Variants in CIMAP1D observed in about 807,000 individuals in gnomAD.
The protein encoded by CIMAP1D is protein CIMAP1D.
the CIMAP1D span, among the ~76,000 whole-genome samples, chr19:486,085 G>A: frequency 6.6e-6 from 1 of 152,242 alleles, no homozygotes; most frequent in African/African-American, 2.4e-5. Flanking sequence ...GTCCCCGTGG[G>A]ACAGTGAGGA....
chr19:479,420 G>GC, the CIMAP1D span, among the ~76,000 whole-genome samples: 8 of 146,260 alleles, frequency 5.5e-5, no homozygotes, highest in Non-Finnish European at 9.1e-5. Context: ...TTGGGGGGGG[G>GC]GGGGATGGAG....
chr19:490,245 A>C, the CIMAP1D span: 1 of 298,818 alleles, frequency 3.3e-6, no homozygotes, highest in Non-Finnish European at 6.1e-6. Flanking sequence ...GGTCCCACCT[A>C]CTTGGAAGGC....
the CIMAP1D span, among the ~76,000 whole-genome samples, chr19:474,288 G>A: frequency 2.0e-5 from 3 of 152,152 alleles, no homozygotes; most frequent in South Asian, 2.1e-4. Context: ...TGTCTAGGGC[G>A]CCCGTCCCTG....
At chr19:475,074 G>C in the CIMAP1D span, 1 of 267,010 alleles carries the variant, frequency 3.7e-6, no homozygotes, top group Admixed American at 5.4e-5. Context: ...GCTGGGGCCA[G>C]GGCCGGCCCC....
At chr19:464,140 CGGGGGGGG>C in the CIMAP1D span, 2 of 796,570 alleles carry the variant, frequency 2.5e-6, no homozygotes, top group Non-Finnish European at 1.5e-6. Flanking sequence ...GGGGGGCGGG[CGGGGGGGG>C]TGCGGCCCAC....
the CIMAP1D span, among the ~76,000 whole-genome samples, chr19:484,162 A>T: frequency 8.2e-6 from 1 of 121,292 alleles, no homozygotes; most frequent in Non-Finnish European, 1.7e-5. Context: ...TTTTTTTGAG[A>T]CAGAGTTTCA....
chr19:479,372 G>A, the CIMAP1D span, among the ~76,000 whole-genome samples: 1 of 142,902 alleles, frequency 7.0e-6, no homozygotes, highest in Admixed American at 7.0e-5. Flanking sequence ...ACTAGGAGCA[G>A]GGAGCCCTTT....
At chr19:486,781 G>A in the CIMAP1D span, among the ~76,000 whole-genome samples, 2 of 151,850 alleles carry the variant, frequency 1.3e-5, no homozygotes, top group African/African-American at 4.8e-5. Context: ...AGGCGTGGTG[G>A]CAGGCGCCTG....
the CIMAP1D span, among the ~76,000 whole-genome samples, chr19:466,222 G>T: frequency 7.3e-6 from 1 of 136,320 alleles, no homozygotes; most frequent in Non-Finnish European, 1.6e-5. Context: ...GCGGGTGGGT[G>T]GATGGATGAG....
chr19:466,812 G>C, the CIMAP1D span, among the ~76,000 whole-genome samples: 2 of 101,758 alleles, frequency 2.0e-5, no homozygotes, highest in Non-Finnish European at 4.0e-5. Context: ...TGGGTGGATG[G>C]TGGAAGGATG....
the CIMAP1D span, among the ~76,000 whole-genome samples, chr19:465,295 GATGGGGGATGGATGGATGT>G: frequency 6.6e-6 from 1 of 150,842 alleles, no homozygotes; most frequent in African/African-American, 2.4e-5. Flanking sequence ...TGAGTGGGTG[GATGGGGGATGGATGGATGT>G]GTAGATGGAT....
chr19:480,872 AAACGATGATGGAG>A, the CIMAP1D span, among the ~76,000 whole-genome samples: 7 of 53,034 alleles, frequency 1.3e-4, no homozygotes, highest in Non-Finnish European at 2.4e-4. Flanking sequence ...CGATGATGGA[AAACGATGATGGAG>A]AACGATGATG....
At chr19:468,727 CCA>C in the CIMAP1D span, among the ~76,000 whole-genome samples, 1 of 152,212 alleles carries the variant, frequency 6.6e-6, no homozygotes, top group African/African-American at 2.4e-5. Flanking sequence ...GTTCACGGCC[CCA>C]CAGACCGTCT....
At chr19:474,475 G>A in the CIMAP1D span, 139 of 822,426 alleles carry the variant, frequency 1.7e-4, no homozygotes, top group African/African-American at 1.7e-3. Context: ...CCATCCTGCC[G>A]GAAGGAAAAC....
chr19:475,920 C>CCCGCCACCA, the CIMAP1D span, among the ~76,000 whole-genome samples: 20 of 150,286 alleles, frequency 1.3e-4, no homozygotes, highest in Admixed American at 6.7e-5. Flanking sequence ...ATTACAGGCA[C>CCCGCCACCA]CCGCCACCAC....
the CIMAP1D span, among the ~76,000 whole-genome samples, chr19:464,956 A>G: frequency 7.9e-6 from 1 of 126,314 alleles, no homozygotes. Flanking sequence ...AGAAGGAAAA[A>G]AGGAAGGATT....
chr19:488,506 A>G, the CIMAP1D span, among the ~76,000 whole-genome samples: 60,720 of 152,080 alleles, frequency 0.4, 12,273 homozygotes, highest in East Asian at 0.55. Flanking sequence ...TGGGCGACAG[A>G]GCGAGACTCC....
At chr19:487,788 C>T in the CIMAP1D span, among the ~76,000 whole-genome samples, 2 of 152,080 alleles carry the variant, frequency 1.3e-5, no homozygotes, top group Admixed American at 1.3e-4. Context: ...TGTCTTATGC[C>T]CAATTTCTGC....
At chr19:464,647 G>C in the CIMAP1D span, among the ~76,000 whole-genome samples, 2 of 152,166 alleles carry the variant, frequency 1.3e-5, no homozygotes, top group African/African-American at 4.8e-5. Context: ...CCCTTCCAGA[G>C]CCCCACAGCC....
Sources: allele counts gnomAD v4.1 joint callset (sites outside exome capture counted in the v4.1 genomes callset), GRCh38; gene constraint gnomAD v4.1.1; transcripts MANE v1.5; gene names NCBI Gene and HGNC (gene_info 2026-07-23, HGNC 2026-07-21).